The following NCR1 variants were observed in gnomAD, a reference collection of about 807,000 sequenced individuals.
NCR1 encodes the protein NK cell-activating receptor.
Under a neutral mutation model 32.5 loss-of-function variants are expected in NCR1, and 30 were observed. The ratio of observed to expected loss-of-function variants is 0.92; its 90% CI spans 0.69 to 1.25. The LOEUF (loss-of-function observed/expected upper bound fraction) is 1.25, where lower values mean the gene tolerates loss of function less well. Among genes scored for constraint, NCR1 ranks in the 50% most tolerant of loss-of-function variants. The pLI is 0.00. For synonymous variants in NCR1, 169 were observed against 143.4 expected, an observed-to-expected ratio of 1.18 and a Z score of -1.28; for missense variants, 369 against 380.7, an observed-to-expected ratio of 0.97 and a Z score of 0.26.
At chr19:54,934,273 C>G in the NCR1 span, among the ~76,000 whole-genome samples, 1 of 152,080 alleles carries the variant, frequency 6.6e-6, no homozygotes, top group Non-Finnish European at 1.5e-5. The surrounding 1 kb of genome is among the most constrained non-coding windows in gnomAD (Gnocchi z 6.7). Context: ...AACAGGGTTT[C>G]ACCATGTTGG....
Position 54,912,682 on chromosome 19 carries a change from G to A in NCR1, c.734-8G>A. On this transcript the variant is annotated splice_region_variant and splice_polypyrimidine_tract_variant and intron_variant, in intron 6 of 6. Coordinates refer to ENST00000291890, the MANE Select transcript of NCR1 (RefSeq NM_004829.7). ...CTGTCAGCGATCACCCTGTTCTCCT[G>A]CCTACAGACCATGCCCTCTGGGATC... 1 of 1,554,232 alleles carries A rather than the reference G, an allele frequency of 6.4e-7. No individual in the cohort carries two copies. The highest frequency in any genetic ancestry group is 1.8e-4 in the Middle Eastern group (1 of 5,672).
chr19:54,930,091 G>T, the NCR1 span, among the ~76,000 whole-genome samples: 76,921 of 140,552 alleles, frequency 0.55, 21,488 homozygotes, highest in East Asian at 0.71. Context: ...CTCCAGCCTG[G>T]GCAACTAGAA....
the NCR1 span, chr19:54,930,654 G>A: frequency 1.9e-6 from 3 of 1,613,272 alleles, no homozygotes; most frequent in Non-Finnish European, 2.5e-6. Context: ...TGGTTATGCT[G>A]CATTGCTGTA....
the NCR1 span, chr19:54,937,900 CAA>C: frequency 0.051 from 24,263 of 475,592 alleles, no homozygotes; most frequent in East Asian, 0.065. Context: ...TCCGTCTCAC[CAA>C]AAAAAAAAAA....
At chr19:54,907,485 CTT>C (rs34400827) in intron 3 of NCR1, among the ~76,000 whole-genome samples, 8,358 of 136,910 alleles carry the variant, frequency 0.061, 441 homozygotes, top group African/African-American at 0.15. Context: ...AAAAAATTAG[CTT>C]TTTTTTTTTT....
At chr19:54,926,998 GAA>G in the NCR1 span, among the ~76,000 whole-genome samples, 1 of 151,594 alleles carries the variant, frequency 6.6e-6, no homozygotes, top group Non-Finnish European at 1.5e-5. Context: ...GTTGAGGCAG[GAA>G]AATCGCTTCA....
At chr19:54,914,164 C>CTTTTTT (rs533441878), downstream of NCR1, among the ~76,000 whole-genome samples, 1 of 124,100 alleles carries the variant, frequency 8.1e-6, no homozygotes. Flanking sequence ...TCTTCTCTTC[C>CTTTTTT]TTTTTTTTTT....
At chr19:54,903,339 T>C (rs587607773), upstream of NCR1, among the ~76,000 whole-genome samples, 1 of 129,182 alleles carries the variant, frequency 7.7e-6, no homozygotes, top group South Asian at 2.3e-4. Flanking sequence ...CATGTATGTA[T>C]ATACATATAT....
chr19:54,930,323 A>G, the NCR1 span, among the ~76,000 whole-genome samples: 560 of 151,868 alleles, frequency 3.7e-3, 5 homozygotes, highest in African/African-American at 0.013. Context: ...TTACCTGGCC[A>G]TGGTAATACA....
chr19:54,912,459 C>T (rs1424651561), intron 6 of NCR1, among the ~76,000 whole-genome samples: 3 of 151,172 alleles, frequency 2.0e-5, no homozygotes, highest in African/African-American at 4.9e-5. Context: ...ATTAGCCAGG[C>T]GTGGTGGCGT....
At chr19:54,925,516 G>A in the NCR1 span, among the ~76,000 whole-genome samples, 1 of 152,144 alleles carries the variant, frequency 6.6e-6, no homozygotes, top group Middle Eastern at 3.4e-3. Context: ...TCTTGAATAA[G>A]ACAAGTGGGC....
chr19:54,903,790 A>AT (rs1005325577), upstream of NCR1, among the ~76,000 whole-genome samples: 10 of 151,126 alleles, frequency 6.6e-5, no homozygotes, highest in East Asian at 1.9e-4. Context: ...TCTGCATAGA[A>AT]TTTTTTTTTA....
At chr19:54,923,749 A>G in the NCR1 span, 1 of 1,613,112 alleles carries the variant, frequency 6.2e-7, no homozygotes, top group South Asian at 1.1e-5. Flanking sequence ...CTCAGCAAAA[A>G]AAGTCACAGC....
chr19:54,931,527 A>G, the NCR1 span, among the ~76,000 whole-genome samples: 1 of 152,072 alleles, frequency 6.6e-6, no homozygotes, highest in Non-Finnish European at 1.5e-5. Context: ...CGTCTCTACT[A>G]AAAATACAAA....
At chr19:54,938,139 C>T in the NCR1 span, 10 of 1,614,030 alleles carry the variant, frequency 6.2e-6, no homozygotes, top group Non-Finnish European at 8.5e-6. Context: ...CTTCCAGAAA[C>T]TTGAGGTTGC....
chr19:54,915,022 C>T (rs1310197297), downstream of NCR1, among the ~76,000 whole-genome samples: 2 of 151,980 alleles, frequency 1.3e-5, no homozygotes, highest in African/African-American at 4.8e-5. Context: ...GGATTACAGG[C>T]GTGAGCCACT....
chr19:54,919,675 G>T (rs1602085009), downstream of NCR1, among the ~76,000 whole-genome samples: 1 of 151,044 alleles, frequency 6.6e-6, no homozygotes, highest in South Asian at 2.1e-4. Context: ...AAGAGGTGGA[G>T]GAGCAGAGTC....
chr19:54,926,798 C>A, the NCR1 span, among the ~76,000 whole-genome samples: 18 of 151,806 alleles, frequency 1.2e-4, no homozygotes, highest in Non-Finnish European at 2.1e-4. Flanking sequence ...CGACTGTAAT[C>A]CTAGCTACTC....
chr19:54,918,883 C>T (rs915124397), downstream of NCR1, among the ~76,000 whole-genome samples: 6 of 151,548 alleles, frequency 4.0e-5, no homozygotes, highest in Non-Finnish European at 8.8e-5. Flanking sequence ...ACTAGGGAGG[C>T]TGAGGTTGGA....
Sources: allele counts gnomAD v4.1 joint callset (sites outside exome capture counted in the v4.1 genomes callset), GRCh38; gene constraint gnomAD v4.1.1; non-coding constraint Gnocchi (gnomAD v3.1); transcripts MANE v1.5; gene names NCBI Gene and HGNC (gene_info 2026-07-23, HGNC 2026-07-21).